The following SRGN variants were observed in gnomAD, a reference collection of about 807,000 sequenced individuals.
The protein encoded by SRGN is serglycin, also known as hematopoetic proteoglycan core peptide.
In SRGN, 2 loss-of-function variants were observed where a neutral mutation model predicts 9.5. The observed-to-expected ratio is 0.21, with a 90% confidence interval of 0.09 to 0.66. The LOEUF is 0.66. Among genes scored for constraint, SRGN ranks in the 30% least tolerant of loss-of-function variants. The probability of loss-of-function intolerance (pLI) is 0.83; values close to 1 mark genes in which losing one functional copy is unlikely to be tolerated. For missense variants in SRGN, 170 were observed against 192.4 expected (o/e 0.88, Z 0.69); for synonymous variants, 59 against 72.3 (o/e 0.82, Z 0.93).
In SRGN at chr10:69,091,429, G is replaced by A. The variant is rs943009012; in HGVS notation, c.79+3193G>A. On this transcript the variant is annotated intron_variant, in intron 1 of 2. Coordinates refer to ENST00000242465, the MANE Select transcript of SRGN (RefSeq NM_002727.4). ...CTTGTCAAACCATGCAAGAGTGGGGGAAGCTTATCCATCTTGTGGAATTGA... is the reference window on the plus strand; with the variant it reads ...CTTGTCAAACCATGCAAGAGTGGGGAAAGCTTATCCATCTTGTGGAATTGA... 2.2e-4 allele frequency among the ~76,000 whole-genome samples: 33 copies of A among 152,176 alleles called. 1 individual carries two copies. The highest frequency in any genetic ancestry group is 7.5e-4 in the African/African-American group (31 of 41,438).
chr10:69,088,229 A>G lies in SRGN; in HGVS notation c.72A>G (p.Ser24=), dbSNP rs747116850. The part of the protein sequence containing the change: ...ALALILVLES[S]VQGYPTRRAR... ...CCCTCATCCTGGTTCTGGAATCCTC[A>G]GTTCAAGGTAAGACTCAGGAGTCTT... Residue 24 remains serine (S), a synonymous_variant, in exon 1 of 3, where the codon TCA becomes TCG. Transcript: ENST00000242465. The G allele has an allele frequency of 3.1e-6, 5 of 1,613,940 alleles. No homozygotes were observed. Among genetic ancestry groups the G allele is most frequent in the African/African-American group, 2.7e-5 (2 of 74,908 alleles).
At chr10:69,091,289 G>A (rs763448772) in intron 1 of SRGN, among the ~76,000 whole-genome samples, 2 of 152,206 alleles carry the variant, frequency 1.3e-5, no homozygotes, top group African/African-American at 4.8e-5. Flanking sequence ...TCATGGATCA[G>A]AGGTTTTCTT....
At chr10:69,088,295 A>C in intron 1 of SRGN, 59 bp downstream of exon 1, 1 of 1,369,502 alleles carries the variant, frequency 7.3e-7, no homozygotes, top group Non-Finnish European at 1.0e-6. Context: ...TGGTCCATGC[A>C]AGTCATTATA....
Position 69,097,080 on chromosome 10 carries a change from G to A in SRGN, c.80-4G>A. ...CTTAGTAACAATGTGGGTTCCTCGG[G>A]CAGGTTATCCTACGCGGAGAGCCAG... On this transcript the variant is annotated splice_region_variant and splice_polypyrimidine_tract_variant and intron_variant, in intron 1 of 2. Coordinates refer to ENST00000242465, the MANE Select transcript of SRGN (RefSeq NM_002727.4). 6.2e-7 allele frequency: 1 copy of A among 1,613,140 alleles called. No individual in the cohort carries two copies. Among genetic ancestry groups the A allele is most frequent in the East Asian group, 2.2e-5 (1 of 44,862 alleles).
At chr10:69,097,860 G>C (rs975673989) in intron 2 of SRGN, among the ~76,000 whole-genome samples, 1 of 152,108 alleles carries the variant, frequency 6.6e-6, no homozygotes. Context: ...CACTGTACCC[G>C]GCCTTTTCTC....
At chr10:69,092,271 C>G (rs978475321) in intron 1 of SRGN, among the ~76,000 whole-genome samples, 58 of 152,268 alleles carry the variant, frequency 3.8e-4, no homozygotes, top group African/African-American at 1.2e-3. Context: ...ACCTCAGGGG[C>G]TGGAACTGTA....
At chr10:69,100,029 T>C (rs776431743) in intron 2 of SRGN, among the ~76,000 whole-genome samples, 4 of 152,176 alleles carry the variant, frequency 2.6e-5, no homozygotes, top group Non-Finnish European at 5.9e-5. Context: ...AAGATCAGCC[T>C]GGCCAACATG....
At chr10:69,088,051 C>T, upstream of SRGN, 2 of 861,548 alleles carry the variant, frequency 2.3e-6, no homozygotes, top group Non-Finnish European at 3.8e-6. Context: ...GTGTTCTGGG[C>T]AGGGTTTGAG....
intron 2 of SRGN, 134 bp from the exon 3 acceptor site, chr10:69,103,737 G>T: frequency 3.1e-6 from 3 of 972,352 alleles, no homozygotes; most frequent in South Asian, 1.8e-5. Context: ...GAATAATTGG[G>T]AAGCTTTTAA....
intron 1 of SRGN, among the ~76,000 whole-genome samples, chr10:69,096,627 C>T (rs933932241): frequency 2.0e-5 from 3 of 152,138 alleles, no homozygotes; most frequent in Non-Finnish European, 4.4e-5. Context: ...TGAATGGGCA[C>T]AAAATCTGTC....
chr10:69,097,593 AT>A (rs1218200146), intron 2 of SRGN, among the ~76,000 whole-genome samples: 4 of 151,718 alleles, frequency 2.6e-5, no homozygotes, highest in South Asian at 2.1e-4. Context: ...CGCCCGGCTA[AT>A]TTTTTTGTAT....
chr10:69,089,905 AAGAG>A (rs561247231), intron 1 of SRGN, among the ~76,000 whole-genome samples: 5 of 151,916 alleles, frequency 3.3e-5, no homozygotes, highest in Non-Finnish European at 5.9e-5. Context: ...GAAAGAAAGA[AAGAG>A]AGAGAGAGAG....
At chr10:69,099,018 A>C (rs938014798) in intron 2 of SRGN, among the ~76,000 whole-genome samples, 6 of 152,138 alleles carry the variant, frequency 3.9e-5, no homozygotes, top group African/African-American at 1.4e-4. Context: ...TAAAACAAAA[A>C]TCAAATCTCT....
chr10:69,097,880 A>G (rs1840211003), intron 2 of SRGN, among the ~76,000 whole-genome samples: 1 of 152,140 alleles, frequency 6.6e-6, no homozygotes, highest in Admixed American at 6.6e-5. Flanking sequence ...CTAATTTTAA[A>G]GTGTCTGTAA....
chr10:69,091,211 C>T (rs1357886519), intron 1 of SRGN, among the ~76,000 whole-genome samples: 1 of 152,192 alleles, frequency 6.6e-6, no homozygotes, highest in East Asian at 1.9e-4. Flanking sequence ...GCCCAAGACC[C>T]ATTACAACTA....
Position 69,103,961 on chromosome 10 carries a change from A to T in SRGN, c.318A>T (p.Ser106=). 6.2e-7 allele frequency: 1 copy of T among 1,614,174 alleles called. No individual in the cohort carries two copies. Among genetic ancestry groups the T allele is most frequent in the Non-Finnish European group, 8.5e-7 (1 of 1,180,034 alleles). The change falls in exon 3 of 3, where the codon TCA becomes TCT. Residue 106 remains serine (S), a synonymous_variant. Transcript: ENST00000242465. ...SGFGSGSGSG[S]GSGSGFLTEM... Reference sequence around the variant, plus strand: ...TCGGCTCCGGCTCCGGCTCTGGATCAGGATCTGGGAGTGGCTTCCTAACGG... The same window carrying T: ...TCGGCTCCGGCTCCGGCTCTGGATCTGGATCTGGGAGTGGCTTCCTAACGG...
chr10:69,099,304 C>CTTTT (rs200610137), intron 2 of SRGN, among the ~76,000 whole-genome samples: 1 of 128,152 alleles, frequency 7.8e-6, no homozygotes, highest in African/African-American at 2.7e-5. Flanking sequence ...GCAACTTTCT[C>CTTTT]TTTTGTTTTT....
chr10:69,095,978 G>T (rs1840167293), intron 1 of SRGN, among the ~76,000 whole-genome samples: 1 of 152,012 alleles, frequency 6.6e-6, no homozygotes, highest in Admixed American at 6.6e-5. Flanking sequence ...CAGATTTGGA[G>T]CCTTTTCCAT....
At chr10:69,097,341 A>C (rs1589329143) in intron 2 of SRGN, 110 bp downstream of exon 2, 2 of 789,624 alleles carry the variant, frequency 2.5e-6, no homozygotes, top group Admixed American at 2.7e-5. Flanking sequence ...GCTCACTGCA[A>C]CCTCCGCCTC....
Sources: gnomAD v4.1 joint callset for allele counts (sites outside exome capture counted in the v4.1 genomes callset) on GRCh38, gnomAD v4.1.1 for gene constraint, MANE v1.5 for transcripts, NCBI Gene and HGNC (gene_info 2026-07-23, HGNC 2026-07-21) for gene names.